Variants in PCDH15 observed in about 807,000 individuals in gnomAD.
PCDH15 encodes the protein protocadherin related 15.
Under a neutral mutation model 178.5 loss-of-function variants are expected in PCDH15, and 129 were observed. The ratio of observed to expected loss-of-function variants is 0.72; its 90% CI spans 0.63 to 0.84. PCDH15 has a LOEUF of 0.84. Ranked by LOEUF, PCDH15 falls within the 40% of genes least tolerant of loss-of-function variation. PCDH15 has a pLI of 0.00. For missense variants in PCDH15, 2,230 were observed against 2,099.9 expected (o/e 1.06, Z -1.21); for synonymous variants, 800 against 732.0 (o/e 1.09, Z -1.50).
chr10:54,598,295 C>T (rs189370928), intron 2 of PCDH15, among the ~76,000 whole-genome samples: 2 of 152,022 alleles, frequency 1.3e-5, no homozygotes, highest in Non-Finnish European at 2.9e-5. Context: ...TATTCTTTAT[C>T]CCTGGGATGC....
At chr10:54,504,440 C>A (rs573680868) in intron 3 of PCDH15, among the ~76,000 whole-genome samples, 11 of 152,214 alleles carry the variant, frequency 7.2e-5, no homozygotes, top group African/African-American at 2.4e-4. Context: ...TTAATAGATT[C>A]CTTCTCTATA....
intron 2 of PCDH15, among the ~76,000 whole-genome samples, chr10:55,143,794 C>G (rs1331944277): frequency 6.9e-6 from 1 of 144,418 alleles, no homozygotes; most frequent in African/African-American, 2.5e-5. Context: ...GGGTCAAACA[C>G]TATTTATTAA....
At chr10:55,553,576 G>A (rs1410875395) in intron 2 of PCDH15, among the ~76,000 whole-genome samples, 1 of 151,784 alleles carries the variant, frequency 6.6e-6, no homozygotes, top group African/African-American at 2.4e-5. Context: ...TAACACAGAG[G>A]TTGCAAGGAG....
At chr10:54,607,355 T>C (rs1180156299) in intron 2 of PCDH15, among the ~76,000 whole-genome samples, 2 of 152,070 alleles carry the variant, frequency 1.3e-5, no homozygotes, top group Non-Finnish European at 2.9e-5. Context: ...TAGAGGATTC[T>C]GGGGCAAAAA....
chr10:54,848,900 C>G (rs1953560336), intron 3 of PCDH15, among the ~76,000 whole-genome samples: 1 of 151,990 alleles, frequency 6.6e-6, no homozygotes, highest in African/African-American at 2.4e-5. Context: ...TAGGATTTAG[C>G]CAAGTGAAGA....
intron 2 of PCDH15, among the ~76,000 whole-genome samples, chr10:54,541,584 AC>A (rs1447244954): frequency 2.4e-4 from 36 of 152,300 alleles, no homozygotes; most frequent in African/African-American, 8.4e-4. Context: ...TTCCAAAAGA[AC>A]TTTTCTGTTA....
chr10:55,100,826 A>G (rs1842559668), intron 2 of PCDH15, among the ~76,000 whole-genome samples: 1 of 152,114 alleles, frequency 6.6e-6, no homozygotes, highest in Non-Finnish European at 1.5e-5. Flanking sequence ...GGAGGGGAAA[A>G]TATCTAAACC....
chr10:55,277,213 C>T (rs568805686), intron 1 of PCDH15, among the ~76,000 whole-genome samples: 6 of 151,926 alleles, frequency 3.9e-5, no homozygotes, highest in South Asian at 2.1e-4. Context: ...TCTTGATTTC[C>T]GGTTGACCAT....
chr10:55,419,667 G>C (rs971882063), intron 2 of PCDH15, among the ~76,000 whole-genome samples: 38 of 151,586 alleles, frequency 2.5e-4, no homozygotes, highest in Non-Finnish European at 5.2e-4. Flanking sequence ...CAACAGAAAT[G>C]ATTTTTTCTT....
chr10:54,450,197 GGTTT>G (rs1376069429), intron 3 of PCDH15, among the ~76,000 whole-genome samples: 4 of 147,272 alleles, frequency 2.7e-5, no homozygotes, highest in East Asian at 2.0e-4. Flanking sequence ...ACAACATGCA[GGTTT>G]GTTACATATG....
At chr10:54,712,121 T>C (rs959910502) in intron 1 of PCDH15, among the ~76,000 whole-genome samples, 5 of 151,926 alleles carry the variant, frequency 3.3e-5, no homozygotes, top group African/African-American at 1.2e-4. Flanking sequence ...TAGAAATTAC[T>C]TTTTCCCTTT....
intron 3 of PCDH15, among the ~76,000 whole-genome samples, chr10:54,450,997 C>T (rs746418724): frequency 2.0e-5 from 3 of 151,712 alleles, no homozygotes; most frequent in Non-Finnish European, 4.4e-5. Context: ...TAAAAACATA[C>T]CTAAATTCAC....
intron 26 of PCDH15, among the ~76,000 whole-genome samples, chr10:53,869,299 T>C (rs1180960831): frequency 6.6e-6 from 1 of 152,174 alleles, no homozygotes; most frequent in African/African-American, 2.4e-5. Context: ...CAAAATTTTT[T>C]GTACTTAAAC....
chr10:54,017,362 C>T lies in PCDH15; in HGVS notation c.2751+2830G>A, dbSNP rs112544166. On this transcript the variant is annotated intron_variant, in intron 20 of 37. Coordinates refer to ENST00000644397, the MANE Select transcript of PCDH15 (RefSeq NM_001384140.1). ...GTATTTATCAAAGTTTTATGAGTTACAATAACAAAGACATGGAATCGACCT... is the reference window on the plus strand; with the variant it reads ...GTATTTATCAAAGTTTTATGAGTTATAATAACAAAGACATGGAATCGACCT... Among the ~76,000 whole-genome samples, 1,027 of 152,002 alleles carry T rather than the reference C, an allele frequency of 6.8e-3. 13 individuals carry two copies. Among genetic ancestry groups the T allele is most frequent in the African/African-American group, 0.023 (956 of 41,464 alleles).
intron 2 of PCDH15, among the ~76,000 whole-genome samples, chr10:54,621,849 C>T (rs1052058415): frequency 3.3e-5 from 5 of 151,842 alleles, no homozygotes; most frequent in Admixed American, 2.6e-4. Flanking sequence ...GAAAATGAAA[C>T]GGTATTTGTC....
At chr10:54,852,889 T>C (rs55788908) in intron 3 of PCDH15, among the ~76,000 whole-genome samples, 2 of 109,712 alleles carry the variant, frequency 1.8e-5, no homozygotes, top group Non-Finnish European at 3.7e-5. Context: ...ATAAAATAAA[T>C]TAAAATAAAA....
At chr10:54,985,540 A>C (rs763961145) in intron 2 of PCDH15, among the ~76,000 whole-genome samples, 2 of 152,168 alleles carry the variant, frequency 1.3e-5, no homozygotes, top group Non-Finnish European at 2.9e-5. Context: ...AAATACTTAC[A>C]TTAGCCTACA....
chr10:55,574,669 T>C (rs1337307828), intron 2 of PCDH15, among the ~76,000 whole-genome samples: 2 of 152,028 alleles, frequency 1.3e-5, no homozygotes, highest in African/African-American at 4.8e-5. Flanking sequence ...TAAAACTCTA[T>C]ACTTTTAATG....
At chr10:54,655,557 T>C (rs1054149662) in intron 2 of PCDH15, 14 of 152,002 alleles carry the variant, frequency 9.2e-5, no homozygotes, top group African/African-American at 3.4e-4. Context: ...TTTAGTTCTG[T>C]TGCTTTCCAG....
Sources: allele counts gnomAD v4.1 joint callset (sites outside exome capture counted in the v4.1 genomes callset), GRCh38; gene constraint gnomAD v4.1.1; transcripts MANE v1.5; gene names NCBI Gene and HGNC (gene_info 2026-07-23, HGNC 2026-07-21).